Variants in CAPN9 observed in about 807,000 individuals in gnomAD.
CAPN9 encodes calpain 9.
CAPN9 carries 81 observed loss-of-function variants against 92.8 expected under a neutral mutation model. That is an observed-to-expected ratio of 0.87 (90% CI 0.73 to 1.05). CAPN9 has a LOEUF of 1.05. CAPN9 is among the 50% of genes least tolerant of loss of function. The probability of loss-of-function intolerance (pLI) is 0.00; values close to 1 mark genes in which losing one functional copy is unlikely to be tolerated. For missense variants in CAPN9, 848 were observed against 866.2 expected, an observed-to-expected ratio of 0.98 and a Z score of 0.26; for synonymous variants, 304 against 328.0, an observed-to-expected ratio of 0.93 and a Z score of 0.79.
Position 230,785,999 on chromosome 1 carries a change from A to T in CAPN9, c.1500A>T (p.Val500=). 2 of 1,614,070 alleles carry T rather than the reference A, an allele frequency of 1.2e-6. No individual in the cohort carries two copies. The highest frequency in any genetic ancestry group is 8.5e-7 in the Non-Finnish European group (1 of 1,179,898). The change falls in exon 12 of 20, where the codon GTA becomes GTT. Residue 500 remains valine (V), a synonymous_variant. Coordinates refer to ENST00000271971, the MANE Select transcript of CAPN9 (RefSeq NM_006615.3). Reference sequence around the variant, plus strand: ...CCTACAGGGATATGGATGGAAATGTAGACATTGACCTTCCTGAGGTGAGTC... The same window carrying T: ...CCTACAGGGATATGGATGGAAATGTTGACATTGACCTTCCTGAGGTGAGTC... The part of the protein sequence containing the change: ...KAITRDMDGN[V]DIDLPEPPKP...
Position 230,769,264 on chromosome 1 carries a change from G to T in CAPN9, c.789+1G>T, listed in dbSNP as rs1666223293. On this transcript the variant is annotated splice_donor_variant, in intron 6 of 19. Transcript: ENST00000271971. LOFTEE classifies it high-confidence loss of function. ...CTACAGTGTAACGGGAATTGACCAG[G>T]TAGGCGACTTGAACTCCAACTGCAG... The T allele has an allele frequency of 1.9e-6, 3 of 1,611,786 alleles. No homozygotes were observed. Among genetic ancestry groups the T allele is most frequent in the African/African-American group, 1.3e-5 (1 of 74,904 alleles).
intron 16 of CAPN9, 147 bp from the exon 17 acceptor site, chr1:230,792,703 C>T: frequency 1.3e-6 from 1 of 774,242 alleles, no homozygotes; most frequent in Non-Finnish European, 2.2e-6. Context: ...AAAAGGGAGA[C>T]CGACTTCTTT....
rs74144825 is a variant in CAPN9, at chr1:230,750,668, C to T, written c.213+2959C>T. Among the ~76,000 whole-genome samples, 1,005 of 152,260 alleles carry T rather than the reference C, an allele frequency of 6.6e-3. 3 individuals carry two copies. The highest frequency in any genetic ancestry group is 0.023 in the African/African-American group (954 of 41,550). On this transcript the variant is annotated intron_variant, in intron 1 of 19. Transcript: ENST00000271971. ...GTGCACATCTCAGCAGCCCGTGGGA[C>T]CGTGGGGCTGGACGGCCCTCCTCCT...
At chr1:230,769,616 CCTATCTAT>C (rs10557166) in intron 6 of CAPN9, among the ~76,000 whole-genome samples, 18,754 of 115,436 alleles carry the variant, frequency 0.16, 1,343 homozygotes, top group East Asian at 0.31. Context: ...CACACACACA[CCTATCTAT>C]CTATCTATCT....
chr1:230,799,699 T>C (rs1469263014), intron 19 of CAPN9, among the ~76,000 whole-genome samples: 2 of 152,208 alleles, frequency 1.3e-5, no homozygotes, highest in African/African-American at 2.4e-5. Flanking sequence ...CAATCCAAGA[T>C]TCCAAAGAAA....
rs1484517978 is a variant in CAPN9, at chr1:230,762,744, A to G, written c.494A>G (p.His165Arg). Residue 165 changes from histidine to arginine, a missense_variant, in exon 4 of 20, where the codon CAC becomes CGC. His to Arg is a conservative substitution (Grantham distance 29, BLOSUM62 0). Transcript: ENST00000271971. ...TTGGTTTTCCTCCACTCTGCCGACC[A>G]CAACGAGTTCTGGAGCGCCTTGCTG... ...DRLVFLHSAD[H>R]NEFWSALLEK... 6.2e-7 allele frequency: 1 copy of G among 1,614,196 alleles called. No individual in the cohort carries two copies. The highest frequency in any genetic ancestry group is 2.2e-5 in the East Asian group (1 of 44,888).
chr1:230,795,522 T>C, intron 18 of CAPN9: 1 of 435,728 alleles, frequency 2.3e-6, no homozygotes. Flanking sequence ...TGTGGGAGGA[T>C]GATGGGCTGG....
At chr1:230,759,705 C>A in intron 3 of CAPN9, 75 bp downstream of exon 3, 1 of 904,132 alleles carries the variant, frequency 1.1e-6, no homozygotes, top group Non-Finnish European at 1.7e-6. Context: ...TCCACACTGC[C>A]TGGTAACCCT....
At chr1:230,765,030 C>T (rs1233293673) in intron 4 of CAPN9, among the ~76,000 whole-genome samples, 2 of 152,108 alleles carry the variant, frequency 1.3e-5, no homozygotes, top group Non-Finnish European at 2.9e-5. Context: ...ACACCTATGT[C>T]TCAAGTCTTG....
At chr1:230,766,832 G>A (rs936495671) in intron 4 of CAPN9, among the ~76,000 whole-genome samples, 5 of 152,152 alleles carry the variant, frequency 3.3e-5, no homozygotes, top group African/African-American at 9.7e-5. Flanking sequence ...TACATGGATG[G>A]TGGCAGGCAA....
At chr1:230,771,970 C>CCA (rs1331793533) in intron 6 of CAPN9, 44 bp from the exon 7 acceptor site, 1 of 1,526,170 alleles carries the variant, frequency 6.6e-7, no homozygotes, top group African/African-American at 1.4e-5. Context: ...CAAACCTCCA[C>CCA]CATATTTATC....
chr1:230,782,318 T>A (rs150818897), intron 11 of CAPN9, among the ~76,000 whole-genome samples: 12 of 152,336 alleles, frequency 7.9e-5, no homozygotes, highest in Non-Finnish European at 1.5e-4. Context: ...GACAGACTCC[T>A]GATTAAACAA....
intron 17 of CAPN9, 50 bp from the exon 18 acceptor site, chr1:230,795,113 C>T: frequency 2.5e-6 from 3 of 1,214,562 alleles, no homozygotes; most frequent in Non-Finnish European, 3.7e-6. Flanking sequence ...GCAGACTCAC[C>T]TCGGGGCTCG....
At chr1:230,761,889 G>A (rs774709368) in intron 3 of CAPN9, among the ~76,000 whole-genome samples, 6 of 152,140 alleles carry the variant, frequency 3.9e-5, no homozygotes, top group Admixed American at 1.3e-4. Flanking sequence ...ATGCATACAT[G>A]TGCTCAAACA....
intron 15 of CAPN9, 74 bp downstream of exon 15, chr1:230,792,002 G>T: frequency 9.6e-7 from 1 of 1,037,782 alleles, no homozygotes; most frequent in Non-Finnish European, 1.5e-6. Context: ...ATCTTCAATA[G>T]TGCAGACTCT....
intron 17 of CAPN9, among the ~76,000 whole-genome samples, chr1:230,793,520 A>C (rs1458315318): frequency 1.3e-5 from 2 of 151,894 alleles, no homozygotes; most frequent in Admixed American, 1.3e-4. Context: ...GGCTGTCGGC[A>C]TCTCTGTGGT....
chr1:230,767,278 A>G (rs1248983316), intron 4 of CAPN9, among the ~76,000 whole-genome samples: 1 of 152,100 alleles, frequency 6.6e-6, no homozygotes, highest in African/African-American at 2.4e-5. Context: ...CAGGATTTGA[A>G]CCTGCGGCCA....
At chr1:230,762,293 G>A (rs1026041412) in intron 3 of CAPN9, among the ~76,000 whole-genome samples, 1 of 152,136 alleles carries the variant, frequency 6.6e-6, no homozygotes, top group African/African-American at 2.4e-5. Context: ...CAAACCCCAC[G>A]TTACCATTCT....
chr1:230,777,916 A>G (rs757415513), intron 8 of CAPN9, among the ~76,000 whole-genome samples: 12 of 152,064 alleles, frequency 7.9e-5, no homozygotes, highest in Non-Finnish European at 1.8e-4. Flanking sequence ...CTGGCTGTCT[A>G]TTCCCACTCT....
Sources: allele counts gnomAD v4.1 joint callset (sites outside exome capture counted in the v4.1 genomes callset), GRCh38; gene constraint gnomAD v4.1.1; transcripts MANE v1.5; gene names NCBI Gene and HGNC (gene_info 2026-07-23, HGNC 2026-07-21).